Variants in DOCK1 observed in about 807,000 individuals in gnomAD.
DOCK1 encodes the protein dedicator of cytokinesis protein 1.
A neutral mutation model predicts 262.7 loss-of-function variants in DOCK1; 138 were observed. The observed-to-expected ratio is 0.53, with a 90% confidence interval of 0.46 to 0.61. DOCK1 has a LOEUF of 0.61. Ranked by LOEUF, DOCK1 falls within the 20% of genes least tolerant of loss-of-function variation. The probability of loss-of-function intolerance (pLI) is 0.00; values close to 1 mark genes in which losing one functional copy is unlikely to be tolerated. For missense variants in DOCK1, 1,908 were observed against 2,370.7 expected, an observed-to-expected ratio of 0.80 and a Z score of 4.05; for synonymous variants, 866 against 867.4, an observed-to-expected ratio of 1.00 and a Z score of 0.03.
At chr10:127,355,440 C>T (rs10764991) in intron 32 of DOCK1, among the ~76,000 whole-genome samples, 25,516 of 152,184 alleles carry the variant, frequency 0.17, 2,455 homozygotes, top group Middle Eastern at 0.33. Context: ...CTCTCTCTGG[C>T]TCCTGCCGTC....
intron 23 of DOCK1, among the ~76,000 whole-genome samples, chr10:127,095,661 C>CTGTGTGTGTGTGTGTGTG (rs61224822): frequency 3.0e-4 from 44 of 148,182 alleles, no homozygotes; most frequent in African/African-American, 1.0e-3. Flanking sequence ...GGCCAGGAAG[C>CTGTGTGTGTGTGTGTGTG]TGTGTGTGTG....
At chr10:127,360,627 C>G (rs1275014008) in intron 32 of DOCK1, among the ~76,000 whole-genome samples, 1 of 152,186 alleles carries the variant, frequency 6.6e-6, no homozygotes, top group African/African-American at 2.4e-5. Flanking sequence ...TGGAAAATGA[C>G]AGATCACTGA....
chr10:127,420,346 G>A (rs1341424258), intron 46 of DOCK1, among the ~76,000 whole-genome samples: 4 of 152,278 alleles, frequency 2.6e-5, no homozygotes, highest in South Asian at 2.1e-4. Context: ...AGAACCGGAC[G>A]GATGCATCTG....
chr10:127,141,469 G>A (rs1325179152), intron 27 of DOCK1, among the ~76,000 whole-genome samples: 3 of 152,102 alleles, frequency 2.0e-5, no homozygotes, highest in Non-Finnish European at 4.4e-5. Flanking sequence ...TTGGGAGGCC[G>A]AGGTGGGCGG....
chr10:127,419,734 C>G lies in DOCK1; in HGVS notation c.4761C>G (p.Asp1587Glu). The G allele has an allele frequency of 1.3e-6, 2 of 1,599,600 alleles. No homozygotes were observed. The highest frequency in any genetic ancestry group is 1.1e-5 in the South Asian group (1 of 88,226). ...ATGAAAAGATCGAGAAGCTCAAGGA[C>G]CTGATTGCTTGGCAGGTAAAGTGTC... The part of the protein sequence containing the change: ...EAHEKIEKLK[D>E]LIAWQIPFLA... The change falls in exon 46 of 52, where the codon GAC becomes GAG. Residue 1587 changes from aspartate (D) to glutamate (E), a missense_variant. This residue lies in a region of DOCK1 where 383 missense variants were observed against 420.1 expected (regional missense o/e 0.91). Coordinates refer to ENST00000623213, the MANE Select transcript of DOCK1 (RefSeq NM_001290223.2).
chr10:127,012,786 A>G lies in DOCK1; in HGVS notation c.1201+412A>G, dbSNP rs1023086929. On this transcript the variant is annotated intron_variant, in intron 12 of 51. Coordinates refer to ENST00000623213, the MANE Select transcript of DOCK1 (RefSeq NM_001290223.2). This position sits in a 1 kb window ranked among gnomAD's most constrained non-coding sequence, Gnocchi z 4.0. Reference sequence around the variant, plus strand: ...ATTTAAGTGATTTCTCCGCCCCTACACTCCGCCTCACACTCACTGTTTTTA... The same window carrying G: ...ATTTAAGTGATTTCTCCGCCCCTACGCTCCGCCTCACACTCACTGTTTTTA... 7.2e-4 allele frequency among the ~76,000 whole-genome samples: 110 copies of G among 152,010 alleles called. No homozygotes were observed. Among genetic ancestry groups the G allele is most frequent in the African/African-American group, 2.5e-3 (104 of 41,472 alleles).
At position 127,186,355 on chromosome 10, in the gene DOCK1, G is replaced by C. The variant is rs57337879; in HGVS notation, c.2847+58591G>C. ...TCTTCACAAGGCTGCAGGACTGAAT[G>C]AGCGCAAGCAGGGGAAATGCCAGAC... On this transcript the variant is annotated intron_variant, in intron 27 of 51. Coordinates refer to ENST00000623213, the MANE Select transcript of DOCK1 (RefSeq NM_001290223.2). 3.8e-3 allele frequency among the ~76,000 whole-genome samples: 580 copies of C among 152,276 alleles called. 3 individuals are homozygous for C. The highest frequency in any genetic ancestry group is 7.0e-3 in the African/African-American group (292 of 41,558).
chr10:127,388,990 C>G (rs2066303510), intron 38 of DOCK1, among the ~76,000 whole-genome samples: 1 of 152,246 alleles, frequency 6.6e-6, no homozygotes, highest in Non-Finnish European at 1.5e-5. Context: ...AATAACTCGG[C>G]TTCCCCACAA....
In DOCK1 at chr10:127,325,650, A is replaced by G. The variant is rs565402613; in HGVS notation, c.3045-13356A>G. On this transcript the variant is annotated intron_variant, in intron 29 of 51. Coordinates refer to ENST00000623213, the MANE Select transcript of DOCK1 (RefSeq NM_001290223.2). ...AAATCTCAAGCCTGGGCTTTTGTTAAGGAGGACGCTCAGGGTTTCTTGATA... is the reference window on the plus strand; with the variant it reads ...AAATCTCAAGCCTGGGCTTTTGTTAGGGAGGACGCTCAGGGTTTCTTGATA... Among the ~76,000 whole-genome samples the G allele has an allele frequency of 4.4e-4, 67 of 152,364 alleles. No individual in the cohort carries two copies. In the Middle Eastern group the frequency reaches 0.01, roughly 23 times the overall value.
intron 49 of DOCK1, among the ~76,000 whole-genome samples, chr10:127,442,788 G>A (rs138979108): frequency 7.9e-5 from 12 of 152,316 alleles, no homozygotes; most frequent in African/African-American, 2.2e-4. Flanking sequence ...CATGGAACAG[G>A]CCATTGATTT....
intron 38 of DOCK1, among the ~76,000 whole-genome samples, chr10:127,400,271 T>C (rs2067144640): frequency 6.6e-6 from 1 of 151,276 alleles, no homozygotes; most frequent in Non-Finnish European, 1.5e-5. Context: ...TGTTCTTAAG[T>C]TTATTGGGTG....
chr10:127,160,721 G>A (rs2053525668), intron 27 of DOCK1, among the ~76,000 whole-genome samples: 1 of 152,222 alleles, frequency 6.6e-6, no homozygotes, highest in African/African-American at 2.4e-5. Context: ...GCTAGAGATG[G>A]TGGTTGTTGC....
intron 4 of DOCK1, among the ~76,000 whole-genome samples, chr10:126,985,832 A>G (rs985008381): frequency 2.6e-5 from 4 of 152,096 alleles, no homozygotes; most frequent in Non-Finnish European, 4.4e-5. Context: ...ATGGTGGCCC[A>G]TGAAAGGGTC....
intron 29 of DOCK1, among the ~76,000 whole-genome samples, chr10:127,291,574 C>G (rs573301847): frequency 6.6e-6 from 1 of 152,092 alleles, no homozygotes; most frequent in Non-Finnish European, 1.5e-5. Flanking sequence ...AGCGCCCTGT[C>G]GGGTCAGTTC....
rs946593884 is a variant in DOCK1, at chr10:126,944,255, C to T, written c.47-26447C>T. On this transcript the variant is annotated intron_variant, in intron 1 of 51. Transcript: ENST00000623213. The stretch of plus-strand genomic sequence containing the variant: ...CCTGGATGCAGGGGCTGCTGGTCTC[C>T]GGTGGTCCTGGAGAAGGATGAACTC... 5.3e-5 allele frequency among the ~76,000 whole-genome samples: 8 copies of T among 151,666 alleles called. No individual in the cohort carries two copies. In the South Asian group the frequency reaches 6.3e-4, roughly 12 times the overall value.
intron 29 of DOCK1, among the ~76,000 whole-genome samples, chr10:127,331,223 C>T (rs2062965432): frequency 6.6e-6 from 1 of 152,188 alleles, no homozygotes; most frequent in African/African-American, 2.4e-5. Flanking sequence ...CGGGTCCAAC[C>T]TCCCATCTCT....
intron 27 of DOCK1, among the ~76,000 whole-genome samples, chr10:127,173,556 G>A (rs570263730): frequency 6.6e-6 from 1 of 152,300 alleles, no homozygotes; most frequent in East Asian, 1.9e-4. Context: ...ATGCACATTA[G>A]TGTACATATT....
At chr10:127,262,190 A>G (rs1426212503) in intron 29 of DOCK1, among the ~76,000 whole-genome samples, 81 of 54,682 alleles carry the variant, frequency 1.5e-3, no homozygotes, top group African/African-American at 5.2e-3. Context: ...GTGTGTGTGT[A>G]CCCGTGCTCA....
intron 29 of DOCK1, among the ~76,000 whole-genome samples, chr10:127,329,198 C>T (rs2135642456): frequency 6.6e-6 from 1 of 152,252 alleles, no homozygotes; most frequent in East Asian, 1.9e-4. Context: ...TCCTACACCC[C>T]GGCAAGCAGA....
Sources: gnomAD v4.1 joint callset for allele counts (sites outside exome capture counted in the v4.1 genomes callset) on GRCh38, gnomAD v4.1.1 for gene constraint, gnomAD v4.1.1 regional missense constraint, Gnocchi (gnomAD v3.1) non-coding constraint, MANE v1.5 for transcripts, NCBI Gene and HGNC (gene_info 2026-07-23, HGNC 2026-07-21) for gene names.